LPP: variants seen among roughly 807,000 people sequenced by gnomAD.
LPP encodes the protein lipoma-preferred partner.
Under a neutral mutation model 60.4 loss-of-function variants are expected in LPP, and 38 were observed. That is an observed-to-expected ratio of 0.63 (90% CI 0.49 to 0.83). The LOEUF (loss-of-function observed/expected upper bound fraction) is 0.83. Ranked by LOEUF, LPP falls within the 40% of genes least tolerant of loss-of-function variation. The probability of loss-of-function intolerance (pLI) is 0.00; values close to 1 mark genes in which losing one functional copy is unlikely to be tolerated. For synonymous variants in LPP, 328 were observed against 290.8 expected, an observed-to-expected ratio of 1.13 and a Z score of -1.30; for missense variants, 902 against 783.6, an observed-to-expected ratio of 1.15 and a Z score of -1.80.
chr3:188,532,963 A>G (rs556165586), intron 6 of LPP, among the ~76,000 whole-genome samples: 2 of 152,284 alleles, frequency 1.3e-5, no homozygotes, highest in South Asian at 2.1e-4. Context: ...TTCTTAGTCT[A>G]TTTGGAAACT....
intron 9 of LPP, among the ~76,000 whole-genome samples, chr3:188,798,073 A>G (rs1348291476): frequency 6.7e-6 from 1 of 148,868 alleles, no homozygotes; most frequent in Non-Finnish European, 1.5e-5. Flanking sequence ...CAGGAAGGCC[A>G]CTTTATATCC....
intron 8 of LPP, among the ~76,000 whole-genome samples, chr3:188,748,927 T>C (rs902710265): frequency 2.0e-5 from 3 of 152,174 alleles, no homozygotes; most frequent in Admixed American, 2.0e-4. Flanking sequence ...CTTGACTTTT[T>C]TTTGCCTCAA....
intron 1 of LPP, among the ~76,000 whole-genome samples, chr3:188,185,938 G>T (rs955174619): frequency 2.0e-5 from 3 of 152,206 alleles, no homozygotes; most frequent in Non-Finnish European, 4.4e-5. Context: ...CTGAGAAAAA[G>T]AAGCGATCAG....
At chr3:188,737,185 A>C (rs890579363) in intron 8 of LPP, among the ~76,000 whole-genome samples, 4 of 152,200 alleles carry the variant, frequency 2.6e-5, no homozygotes, top group Non-Finnish European at 5.9e-5. Context: ...CTTTTTTATA[A>C]AAAGAAATAT....
intron 1 of LPP, among the ~76,000 whole-genome samples, chr3:188,185,882 A>T (rs1032681404): frequency 6.6e-6 from 1 of 152,222 alleles, no homozygotes; most frequent in African/African-American, 2.4e-5. Flanking sequence ...AGCACTCAGC[A>T]TGAAGCCTGG....
At chr3:188,581,920 C>T (rs952925283) in intron 6 of LPP, among the ~76,000 whole-genome samples, 10 of 151,934 alleles carry the variant, frequency 6.6e-5, no homozygotes, top group African/African-American at 1.2e-4. Flanking sequence ...ATACTTCAGC[C>T]GACTCTTCCA....
intron 6 of LPP, among the ~76,000 whole-genome samples, chr3:188,563,728 G>GTTTTTTTTTTTTTTTTTTTTTTTT (rs5855207): frequency 6.9e-6 from 1 of 145,148 alleles, no homozygotes; most frequent in Non-Finnish European, 1.5e-5. Context: ...GTTTTTTTTT[G>GTTTTTTTTTTTTTTTTTTTTTTTT]TTTTTTTTTT....
chr3:188,527,754 C>CTTT (rs71169007), intron 6 of LPP, among the ~76,000 whole-genome samples: 1 of 144,636 alleles, frequency 6.9e-6, no homozygotes, highest in Non-Finnish European at 1.5e-5. Context: ...GCTCCCTTTC[C>CTTT]TTTTTTTTTT....
intron 9 of LPP, among the ~76,000 whole-genome samples, chr3:188,765,096 T>C (rs1447111993): frequency 6.6e-6 from 1 of 152,204 alleles, no homozygotes; most frequent in Non-Finnish European, 1.5e-5. Flanking sequence ...TTCTTTTATA[T>C]ACTCAATTCT....
chr3:188,800,461 G>A (rs1037535028), intron 9 of LPP, among the ~76,000 whole-genome samples: 3 of 151,872 alleles, frequency 2.0e-5, no homozygotes, highest in Admixed American at 6.6e-5. Context: ...TAGCCAGGAT[G>A]GTCTCCATCT....
At chr3:188,309,965 G>T (rs890527269) in intron 2 of LPP, among the ~76,000 whole-genome samples, 3 of 151,666 alleles carry the variant, frequency 2.0e-5, no homozygotes. Flanking sequence ...TAATACCATT[G>T]TCCTTATTTC....
At chr3:188,602,177 T>TATATATATATA (rs1841472555) in intron 6 of LPP, among the ~76,000 whole-genome samples, 1 of 115,282 alleles carries the variant, frequency 8.7e-6, no homozygotes, top group African/African-American at 3.2e-5. Flanking sequence ...ATATATATAT[T>TATATATATATA]ATATATATAT....
chr3:188,174,682 A>G (rs1353846556), intron 1 of LPP, among the ~76,000 whole-genome samples: 1 of 152,088 alleles, frequency 6.6e-6, no homozygotes, highest in Non-Finnish European at 1.5e-5. Flanking sequence ...CCTCATCTCC[A>G]TTGCTTTCCC....
Position 188,887,292 on chromosome 3 carries a change from T to A in LPP, c.*12813T>A, listed in dbSNP as rs1770793938. On this transcript the variant is annotated 3_prime_UTR_variant, in exon 12 of 12. Coordinates refer to ENST00000617246, the MANE Select transcript of LPP (RefSeq NM_001375462.1). ...ATTCTTTCTTGGGAGACGTTAAGTA[T>A]AAAAGGGAAAAAGTCAGTTCCTTCT... 4.6e-6 allele frequency: 1 copy of A among 217,774 alleles called. No individual in the cohort carries two copies. Among genetic ancestry groups the A allele is most frequent in the East Asian group, 6.8e-5 (1 of 14,676 alleles). The allele number at this position is 217,774 out of a possible 1,614,324, so 13.5% of individuals were successfully genotyped here. A position where few individuals can be genotyped will look rare whatever the true frequency, so the allele number is the denominator to read the frequency against.
chr3:188,697,313 G>A (rs1444403089), intron 7 of LPP, among the ~76,000 whole-genome samples: 6 of 152,152 alleles, frequency 3.9e-5, no homozygotes, highest in Admixed American at 1.3e-4. Flanking sequence ...TTGTTTGCTG[G>A]TTTGCATTTC....
intron 2 of LPP, among the ~76,000 whole-genome samples, chr3:188,290,118 G>A (rs112451522): frequency 0.045 from 6,859 of 151,998 alleles, 509 homozygotes; most frequent in African/African-American, 0.16. Context: ...GACTATAGGC[G>A]CATGCCACCA....
intron 9 of LPP, among the ~76,000 whole-genome samples, chr3:188,814,945 T>C (rs187572241): frequency 6.6e-6 from 1 of 152,352 alleles, no homozygotes; most frequent in Non-Finnish European, 1.5e-5. Context: ...TGAATGCTCT[T>C]ATCCGTAAAA....
intron 2 of LPP, among the ~76,000 whole-genome samples, chr3:188,297,292 T>C (rs1217716906): frequency 6.6e-6 from 1 of 152,192 alleles, no homozygotes; most frequent in Admixed American, 6.5e-5. Flanking sequence ...CACCCCTCAG[T>C]GCCAAATTTT....
rs751201840 is a variant in LPP at position 188,883,981 on chromosome 3, A to T, written c.*9502A>T. 4 of 218,588 alleles carry T rather than the reference A, an allele frequency of 1.8e-5. No individual in the cohort carries two copies. Among genetic ancestry groups the T allele is most frequent in the Non-Finnish European group, 3.7e-5 (4 of 109,024 alleles). The allele number at this position is 218,588 out of a possible 1,614,324, so 13.5% of individuals were successfully genotyped here. A position where few individuals can be genotyped will look rare whatever the true frequency, so the allele number is the denominator to read the frequency against. ...TTAGTTTAAATAATATACCTTTGTC[A>T]TGGGGAAGACCATGATTGTGGCTTC... On this transcript the variant is annotated 3_prime_UTR_variant, in exon 12 of 12. Transcript: ENST00000617246.
Sources: allele counts gnomAD v4.1 joint callset (sites outside exome capture counted in the v4.1 genomes callset), GRCh38; gene constraint gnomAD v4.1.1; transcripts MANE v1.5; gene names NCBI Gene and HGNC (gene_info 2026-07-23, HGNC 2026-07-21).